The following STAG1 variants were observed in gnomAD, a reference collection of about 807,000 sequenced individuals.
STAG1 encodes STAG1 cohesin complex component.
A neutral mutation model predicts 170.9 loss-of-function variants in STAG1; 26 were observed. The observed-to-expected ratio is 0.15, with a 90% CI of 0.11 to 0.21. The LOEUF (loss-of-function observed/expected upper bound fraction) is 0.21. Among genes scored for constraint, STAG1 ranks in the 10% least tolerant of loss-of-function variants. The pLI is 1.00. For missense variants in STAG1, 964 were observed against 1,509.5 expected, an observed-to-expected ratio of 0.64 and a Z score of 5.99; for synonymous variants, 514 against 497.7, an observed-to-expected ratio of 1.03 and a Z score of -0.44.
At chr3:136,548,221 C>G (rs762971893) in intron 5 of STAG1, among the ~76,000 whole-genome samples, 2 of 151,874 alleles carry the variant, frequency 1.3e-5, no homozygotes, top group Non-Finnish European at 2.9e-5. Flanking sequence ...TCAGGTGGTC[C>G]TCCCACCTCA....
intron 4 of STAG1, among the ~76,000 whole-genome samples, chr3:136,598,418 C>A (rs986700167): frequency 6.6e-6 from 1 of 151,388 alleles, no homozygotes; most frequent in Non-Finnish European, 1.5e-5. Flanking sequence ...CTCTTTAATA[C>A]AACCTTTTTT....
In STAG1 at chr3:136,587,870, G is replaced by C. The variant is rs148168925; in HGVS notation, c.297+16439C>G. Among the ~76,000 whole-genome samples the C allele has an allele frequency of 3.1e-3, 466 of 152,224 alleles. 5 individuals carry two copies. The highest frequency in any genetic ancestry group is 4.9e-3 in the Admixed American group (75 of 15,292). On this transcript the variant is annotated intron_variant, in intron 4 of 33. Coordinates refer to ENST00000383202, the MANE Select transcript of STAG1 (RefSeq NM_005862.3). The stretch of plus-strand genomic sequence containing the variant: ...CCTGCTCCTCGCAAGGCTGAGGCAG[G>C]AGAATAGCTTGAACCCGGGGGGGCG...
In STAG1 at chr3:136,377,386, C is replaced by CAAAAAA. The variant is rs57934830; in HGVS notation, c.2370+268_2370+273dup. On this transcript the variant is annotated intron_variant, in intron 23 of 33. Transcript: ENST00000383202. ...TGGGCGACAGAGCGAGACTCTGTCTCAAAAAAAAAAAAAAAAAAAGTCTAC... is the reference window on the plus strand; with the variant it reads ...TGGGCGACAGAGCGAGACTCTGTCTCAAAAAAAAAAAAAAAAAAAAAAAAAGTCTAC... Among the ~76,000 whole-genome samples, 5 of 42,572 alleles carry CAAAAAA rather than the reference C, an allele frequency of 1.2e-4. 2 individuals carry two copies. Among genetic ancestry groups the CAAAAAA allele is most frequent in the African/African-American group, 1.2e-4 (1 of 8,126 alleles). The allele number at this position is 42,572 out of a possible 152,430, so 27.9% of individuals were successfully genotyped here. A position where few individuals can be genotyped will look rare whatever the true frequency, so the allele number is the denominator to read the frequency against.
intron 9 of STAG1, among the ~76,000 whole-genome samples, chr3:136,496,404 C>CA (rs1438325173): frequency 6.6e-6 from 1 of 152,136 alleles, no homozygotes; most frequent in African/African-American, 2.4e-5. Flanking sequence ...CTGTGGGTCT[C>CA]ATACAAATCT....
At chr3:136,382,922 GTTAATCTC>G (rs1347994655) in intron 22 of STAG1, among the ~76,000 whole-genome samples, 4 of 152,178 alleles carry the variant, frequency 2.6e-5, no homozygotes, top group Non-Finnish European at 5.9e-5. Flanking sequence ...AACAAAGTTA[GTTAATCTC>G]TTATAGTAAA....
intron 30 of STAG1, among the ~76,000 whole-genome samples, chr3:136,343,561 C>G (rs896316990): frequency 2.0e-5 from 3 of 152,160 alleles, no homozygotes; most frequent in Non-Finnish European, 2.9e-5. Context: ...TGAGAAGAAA[C>G]AGACCTGCCC....
At chr3:136,472,562 G>A (rs1355329612) in intron 11 of STAG1, 70 bp from the exon 12 acceptor site, 2 of 1,105,882 alleles carry the variant, frequency 1.8e-6, no homozygotes, top group South Asian at 1.3e-5. Context: ...CTAATATAAT[G>A]TATTCTGGGA....
intron 1 of STAG1, among the ~76,000 whole-genome samples, chr3:136,640,243 A>C (rs1940738357): frequency 6.6e-6 from 1 of 152,244 alleles, no homozygotes; most frequent in African/African-American, 2.4e-5. Context: ...GTTATTTTAT[A>C]ACAAAAAATT....
At chr3:136,570,553 G>C (rs1405522621) in intron 4 of STAG1, among the ~76,000 whole-genome samples, 1 of 152,176 alleles carries the variant, frequency 6.6e-6, no homozygotes, top group Non-Finnish European at 1.5e-5. Context: ...ACCAAGAGCA[G>C]ATCTGTTAAC....
chr3:136,527,180 C>A (rs148266320), intron 6 of STAG1, among the ~76,000 whole-genome samples: 42 of 152,196 alleles, frequency 2.8e-4, no homozygotes, highest in South Asian at 4.1e-4. Flanking sequence ...TAATATCCTG[C>A]AGAGTGTTTT....
chr3:136,659,882 A>G (rs1316502550), intron 1 of STAG1, among the ~76,000 whole-genome samples: 3 of 152,226 alleles, frequency 2.0e-5, no homozygotes, highest in African/African-American at 7.2e-5. Flanking sequence ...AATGTGGTAT[A>G]CTGAATTTTT....
Position 136,465,024 on chromosome 3 carries a change from A to G in STAG1, c.1206-36T>C, listed in dbSNP as rs192815278. ...CAGAAAGTAACATCTGATCTAAAGC[A>G]AATGTTTATTTTCCTTTCTACTTTT... On this transcript the variant is annotated intron_variant, in intron 12 of 33. Transcript: ENST00000383202. 1.1e-4 allele frequency: 157 copies of G among 1,476,650 alleles called. No individual in the cohort carries two copies. In the African/African-American group the frequency reaches 2.0e-3, roughly 19 times the overall value. The allele number at this position is 1,476,650 out of a possible 1,614,324, so 91.5% of individuals were successfully genotyped here.
chr3:136,508,432 A>C (rs535470486), intron 7 of STAG1, among the ~76,000 whole-genome samples: 1 of 152,152 alleles, frequency 6.6e-6, no homozygotes, highest in Non-Finnish European at 1.5e-5. Context: ...TCACATCTGT[A>C]ATCCCAGTGC....
In STAG1 at chr3:136,375,500, C is replaced by T. The variant is rs558365865; in HGVS notation, c.2370+2160G>A. On this transcript the variant is annotated intron_variant, in intron 23 of 33. Transcript: ENST00000383202. ...CTGGTTGTCCAACTGCAGCAAGAGT[C>T]TTGGCAGTTTATGCCCTGACAGCAC... 2.0e-5 allele frequency among the ~76,000 whole-genome samples: 3 copies of T among 152,190 alleles called. No homozygotes were observed. The South Asian group carries it at 6.2e-4, about 32-fold the overall frequency.
Position 136,700,610 on chromosome 3 carries a change from G to A in STAG1, c.-84+51585C>T, listed in dbSNP as rs552379693. ...AATTTTTTGTATTTTTAGTAGAGAC[G>A]GGTTTCACCATGTTGGCCAGGCTGG... is the stretch of plus-strand genomic sequence containing the variant. On this transcript the variant is annotated intron_variant, in intron 1 of 33. Transcript: ENST00000383202. Among the ~76,000 whole-genome samples, 4 of 151,476 alleles carry A rather than the reference G, an allele frequency of 2.6e-5. No homozygotes were observed. In the South Asian group the frequency reaches 6.3e-4, roughly 24 times the overall value.
At position 136,729,570 on chromosome 3, in the gene STAG1, CTTTTTTTTTTTTTT is replaced by C. The variant is rs34078029; in HGVS notation, c.-84+22611_-84+22624del. Among the ~76,000 whole-genome samples, 6 of 94,668 alleles carry C rather than the reference CTTTTTTTTTTTTTT, an allele frequency of 6.3e-5. No individual in the cohort carries two copies. In the East Asian group the frequency reaches 1.3e-3, roughly 21 times the overall value. 62.1% of individuals were successfully genotyped at this position (94,668 alleles called of 152,430 possible). On this transcript the variant is annotated intron_variant, in intron 1 of 33. Coordinates refer to ENST00000383202, the MANE Select transcript of STAG1 (RefSeq NM_005862.3). ...AATATCTACAACATCTGTAGTTTTC[CTTTTTTTTTTTTTT>C]TTTTTTTTGAGACAGAGCTGTGCTG...
In STAG1 at chr3:136,506,942, C is replaced by G. The variant is rs978147765; in HGVS notation, c.677-4163G>C. 1.5e-3 allele frequency among the ~76,000 whole-genome samples: 228 copies of G among 152,132 alleles called. 3 individuals carry two copies. Among genetic ancestry groups the G allele is most frequent in the Non-Finnish European group, 2.4e-4 (16 of 67,990 alleles). Reference sequence around the variant, plus strand: ...TAATGGAAAAATACAGACAAGATAGCCTTACAGTGTGTATATGCTATCATT... The same window carrying G: ...TAATGGAAAAATACAGACAAGATAGGCTTACAGTGTGTATATGCTATCATT... On this transcript the variant is annotated intron_variant, in intron 7 of 33. Coordinates refer to ENST00000383202, the MANE Select transcript of STAG1 (RefSeq NM_005862.3).
intron 1 of STAG1, among the ~76,000 whole-genome samples, chr3:136,640,876 T>C (rs1316995507): frequency 6.6e-6 from 1 of 152,082 alleles, no homozygotes; most frequent in Non-Finnish European, 1.5e-5. Flanking sequence ...GGTTTTGCCA[T>C]GTTGGCCAGG....
intron 29 of STAG1, 85 bp from the exon 30 acceptor site, chr3:136,344,091 G>A (rs1357161910): frequency 3.9e-6 from 4 of 1,020,098 alleles, no homozygotes; most frequent in Non-Finnish European, 5.4e-6. Flanking sequence ...TGAAGAGTGT[G>A]GCTCTGCAGT....
Sources: allele counts gnomAD v4.1 joint callset (sites outside exome capture counted in the v4.1 genomes callset), GRCh38; gene constraint gnomAD v4.1.1; transcripts MANE v1.5; gene names NCBI Gene and HGNC (gene_info 2026-07-23, HGNC 2026-07-21).